The following PHF24 variants were observed in gnomAD, a reference collection of about 807,000 sequenced individuals.
The protein encoded by PHF24 is PHD finger protein 24.
A neutral mutation model predicts 42.6 loss-of-function variants in PHF24; 25 were observed. The observed-to-expected ratio is 0.59, with a 90% CI of 0.43 to 0.82. PHF24 has a LOEUF of 0.82. Among genes scored for constraint, PHF24 ranks in the 40% least tolerant of loss-of-function variants. The pLI, the probability that PHF24 is intolerant of heterozygous loss-of-function variation, is 0.00. For synonymous variants in PHF24, 185 were observed against 204.8 expected (o/e 0.90, Z 0.83); for missense variants, 470 against 538.1 (o/e 0.87, Z 1.25).
chr9:34,689,830 G>C, the PHF24 span: 1 of 1,614,158 alleles, frequency 6.2e-7, no homozygotes, highest in Non-Finnish European at 8.5e-7. The surrounding 1 kb of genome is among the most constrained non-coding windows in gnomAD (Gnocchi z 4.1). Flanking sequence ...TAACTGCTGC[G>C]GCGCTTCATC....
At chr9:34,922,080 T>A in the PHF24 span, 1 of 1,051,824 alleles carries the variant, frequency 9.5e-7, no homozygotes, top group African/African-American at 1.6e-5. Flanking sequence ...AGAAGTAACA[T>A]AAACCTGTCA....
chr9:34,886,957 T>C, the PHF24 span, among the ~76,000 whole-genome samples: 3 of 152,190 alleles, frequency 2.0e-5, no homozygotes, highest in South Asian at 4.1e-4. Flanking sequence ...CTAAGCAACA[T>C]ATACATCTCA....
At chr9:34,820,108 T>TTTCTTCTGAATAATATTA in the PHF24 span, among the ~76,000 whole-genome samples, 2 of 150,378 alleles carry the variant, frequency 1.3e-5, no homozygotes, top group Admixed American at 6.7e-5. Flanking sequence ...CCACTCCACC[T>TTTCTTCTGAATAATATTA]TTCTTCTGAA....
At chr9:34,794,389 C>T in the PHF24 span, among the ~76,000 whole-genome samples, 12 of 152,086 alleles carry the variant, frequency 7.9e-5, no homozygotes, top group African/African-American at 2.4e-4. Flanking sequence ...ATCCAAAGTC[C>T]CATAAAATAA....
the PHF24 span, among the ~76,000 whole-genome samples, chr9:34,865,674 T>C: frequency 6.6e-6 from 1 of 152,182 alleles, no homozygotes; most frequent in Non-Finnish European, 1.5e-5. Context: ...AATGCATAGC[T>C]TAACTGGGTC....
chr9:34,839,950 G>T, the PHF24 span, among the ~76,000 whole-genome samples: 2,268 of 152,214 alleles, frequency 0.015, 55 homozygotes, highest in African/African-American at 0.052. Flanking sequence ...TAGGGAAAAG[G>T]ACTGTTCCAG....
At chr9:34,807,734 G>T in the PHF24 span, among the ~76,000 whole-genome samples, 1 of 152,064 alleles carries the variant, frequency 6.6e-6, no homozygotes, top group African/African-American at 2.4e-5. Flanking sequence ...ATACAAACAG[G>T]TTCTGAAGAG....
At chr9:34,939,136 C>T in the PHF24 span, among the ~76,000 whole-genome samples, 2 of 151,874 alleles carry the variant, frequency 1.3e-5, no homozygotes, top group South Asian at 2.1e-4. Flanking sequence ...CAAAACTCAC[C>T]GGCCGTGGTG....
the PHF24 span, among the ~76,000 whole-genome samples, chr9:34,859,251 C>T: frequency 1.3e-5 from 2 of 152,190 alleles, no homozygotes; most frequent in Non-Finnish European, 2.9e-5. Context: ...TGCTACTTCT[C>T]TCCACCTGAA....
the PHF24 span, among the ~76,000 whole-genome samples, chr9:34,878,072 A>G: frequency 2.6e-5 from 4 of 152,182 alleles, no homozygotes; most frequent in African/African-American, 9.7e-5. Context: ...ATAATAATGT[A>G]TCAATATTGG....
At chr9:34,957,844 G>A (rs1051087844), upstream of PHF24, 5 of 138,832 alleles carry the variant, frequency 3.6e-5, no homozygotes, top group African/African-American at 1.3e-4. Flanking sequence ...CCCAACCCCC[G>A]GCGCGGAACG....
intron 3 of PHF24, among the ~76,000 whole-genome samples, chr9:34,975,297 T>TGTTTA (rs1827147053): frequency 6.6e-6 from 1 of 152,216 alleles, no homozygotes; most frequent in African/African-American, 2.4e-5. Flanking sequence ...TGGCGCCCAG[T>TGTTTA]GTTTACTAGG....
At chr9:34,970,296 AC>A (rs1355020776) in intron 1 of PHF24, among the ~76,000 whole-genome samples, 1 of 152,188 alleles carries the variant, frequency 6.6e-6, no homozygotes, top group Non-Finnish European at 1.5e-5. Flanking sequence ...TTACTTTTTA[AC>A]CTGTAAAGGA....
At chr9:34,881,408 C>T in the PHF24 span, among the ~76,000 whole-genome samples, 1 of 151,964 alleles carries the variant, frequency 6.6e-6, no homozygotes, top group Non-Finnish European at 1.5e-5. Flanking sequence ...TCAAAAAAAT[C>T]AATGAATCCA....
the PHF24 span, among the ~76,000 whole-genome samples, chr9:34,932,839 C>G: frequency 6.6e-6 from 1 of 151,784 alleles, no homozygotes. Context: ...AAAATTTTCT[C>G]CACATATTTT....
the PHF24 span, among the ~76,000 whole-genome samples, chr9:34,824,111 C>A: frequency 6.6e-6 from 1 of 152,178 alleles, no homozygotes. Context: ...GAGATGCTCC[C>A]AGCTTGGCAG....
chr9:34,875,934 ACACACACACACACACACTCTCTCT>A, the PHF24 span, among the ~76,000 whole-genome samples: 41 of 78,156 alleles, frequency 5.2e-4, no homozygotes, highest in African/African-American at 1.8e-3. Flanking sequence ...ACACACACAC[ACACACACACACACACACTCTCTCT>A]CTCTCTCTCT....
At chr9:34,922,999 C>T in the PHF24 span, 43 of 798,340 alleles carry the variant, frequency 5.4e-5, no homozygotes, top group South Asian at 9.2e-4. Flanking sequence ...GCTGCTGGGC[C>T]GGGCCTGGGC....
At chr9:34,836,925 C>T in the PHF24 span, 1 of 324,074 alleles carries the variant, frequency 3.1e-6, no homozygotes, top group Non-Finnish European at 6.3e-6. Flanking sequence ...CCTTTGCAAC[C>T]CTCTCAACTA....
Sources: allele counts gnomAD v4.1 joint callset (sites outside exome capture counted in the v4.1 genomes callset), GRCh38; gene constraint gnomAD v4.1.1; non-coding constraint Gnocchi (gnomAD v3.1); transcripts MANE v1.5; gene names NCBI Gene and HGNC (gene_info 2026-07-23, HGNC 2026-07-21).